Variants in ZDHHC11 observed in about 807,000 individuals in gnomAD.
The protein encoded by ZDHHC11 is zDHHC palmitoyltransferase 11.
Under a neutral mutation model 51.3 loss-of-function variants are expected in ZDHHC11, and 44 were observed. The observed-to-expected ratio is 0.86, with a 90% CI of 0.67 to 1.10. The LOEUF is 1.10. ZDHHC11 is among the 50% of genes least tolerant of loss of function. ZDHHC11 has a pLI of 0.00. For missense variants in ZDHHC11, 400 were observed against 537.7 expected (o/e 0.74, Z 2.53); for synonymous variants, 163 against 222.0 (o/e 0.73, Z 2.36).
intron 12 of ZDHHC11, among the ~76,000 whole-genome samples, chr5:797,131 C>T (rs1372848465): frequency 4.6e-5 from 7 of 151,142 alleles, no homozygotes; most frequent in Admixed American, 1.3e-4. Flanking sequence ...GTTGTGAACC[C>T]GGGAGGCGGA....
intron 1 of ZDHHC11, chr5:849,533 A>G (rs1459552980): frequency 6.6e-6 from 1 of 152,182 alleles, no homozygotes; most frequent in South Asian, 2.1e-4. Flanking sequence ...GACCCCAGAC[A>G]GCTCACTCAG....
At chr5:823,919 T>TG (rs1489593695) in intron 8 of ZDHHC11, 2 of 387,282 alleles carry the variant, frequency 5.2e-6, no homozygotes, top group Admixed American at 5.5e-5. Flanking sequence ...CAGGGTGGGC[T>TG]GGGGGCTCAA....
chr5:827,710 G>A (rs1742468141), intron 7 of ZDHHC11, among the ~76,000 whole-genome samples: 2 of 150,768 alleles, frequency 1.3e-5, no homozygotes, highest in South Asian at 4.2e-4. Context: ...TGCACGTAAT[G>A]AGGGACCTGC....
chr5:809,178 C>A (rs1341447893), intron 11 of ZDHHC11, among the ~76,000 whole-genome samples: 1 of 143,914 alleles, frequency 6.9e-6, no homozygotes, highest in Non-Finnish European at 1.5e-5. Flanking sequence ...TTGTCCTCCA[C>A]CCCATCACAT....
chr5:809,014 C>CACACACAGACACACACAT (rs1554050773), intron 11 of ZDHHC11, among the ~76,000 whole-genome samples: 3 of 138,998 alleles, frequency 2.2e-5, no homozygotes, highest in African/African-American at 2.7e-5. Context: ...CACACACACA[C>CACACACAGACACACACAT]GCACACTATT....
chr5:815,518 T>A (rs1453311934), intron 10 of ZDHHC11, among the ~76,000 whole-genome samples: 4 of 151,640 alleles, frequency 2.6e-5, no homozygotes, highest in African/African-American at 9.7e-5. Flanking sequence ...TACATGAGAC[T>A]TCCAGTTCTC....
chr5:847,130 C>T (rs552519362), intron 3 of ZDHHC11, among the ~76,000 whole-genome samples: 3 of 151,928 alleles, frequency 2.0e-5, no homozygotes, highest in East Asian at 1.9e-4. Flanking sequence ...AAACACCTCT[C>T]GCCCATCTGC....
upstream of ZDHHC11, among the ~76,000 whole-genome samples, chr5:859,056 AG>A (rs1395652148): frequency 2.6e-5 from 4 of 152,044 alleles, no homozygotes; most frequent in Admixed American, 1.3e-4. Flanking sequence ...TGGGAGGATG[AG>A]GGGACAAGGG....
chr5:844,459 G>A lies in ZDHHC11; in HGVS notation c.504-735C>T, dbSNP rs1010781608. 4.3e-4 allele frequency among the ~76,000 whole-genome samples: 65 copies of A among 152,396 alleles called. No homozygotes were observed. The South Asian group carries it at 0.011, about 26-fold the overall frequency. On this transcript the variant is annotated intron_variant, in intron 3 of 12. Coordinates refer to ENST00000283441, the MANE Select transcript of ZDHHC11 (RefSeq NM_024786.3). ...CGGCGTCTCCAGTGTCACAGCTCTGGGGCCTCTGCCCGCACCTCCCGACTC... is the reference window on the plus strand; with the variant it reads ...CGGCGTCTCCAGTGTCACAGCTCTGAGGCCTCTGCCCGCACCTCCCGACTC...
chr5:850,074 G>A (rs73730971), intron 1 of ZDHHC11, among the ~76,000 whole-genome samples: 4,590 of 152,358 alleles, frequency 0.03, 211 homozygotes, highest in African/African-American at 0.1. Flanking sequence ...AAAATGCTGC[G>A]CAGGGATTTT....
At chr5:831,227 G>C (rs1301932318) in intron 7 of ZDHHC11, among the ~76,000 whole-genome samples, 1 of 149,572 alleles carries the variant, frequency 6.7e-6, no homozygotes, top group African/African-American at 2.4e-5. Flanking sequence ...TTAACAATCT[G>C]TACATCTGAC....
At chr5:798,564 G>A (rs1435069684) in intron 12 of ZDHHC11, among the ~76,000 whole-genome samples, 1 of 150,134 alleles carries the variant, frequency 6.7e-6, no homozygotes, top group Non-Finnish European at 1.5e-5. Flanking sequence ...TGTATTCCAC[G>A]ATCTTTAAAA....
At chr5:816,433 T>A (rs1381269358) in intron 10 of ZDHHC11, 1 of 449,160 alleles carries the variant, frequency 2.2e-6, no homozygotes, top group Non-Finnish European at 4.4e-6. Context: ...GGACAGGCAG[T>A]GGCCGTAGCG....
At chr5:854,178 G>A (rs1387890354), upstream of ZDHHC11, among the ~76,000 whole-genome samples, 20 of 147,602 alleles carry the variant, frequency 1.4e-4, no homozygotes, top group Admixed American at 1.3e-3. Flanking sequence ...ACAGAGGACA[G>A]CGAGCCGGGG....
At chr5:824,106 G>C (rs902350990) in intron 8 of ZDHHC11, 4 of 454,582 alleles carry the variant, frequency 8.8e-6, no homozygotes, top group African/African-American at 8.0e-5. Context: ...GCCCCCACAG[G>C]GAAGGAGAAC....
chr5:831,418 A>G lies in ZDHHC11; in HGVS notation c.935+2355T>C, dbSNP rs376172343. Among the ~76,000 whole-genome samples the G allele has an allele frequency of 6.0e-5, 9 of 149,332 alleles. No individual in the cohort carries two copies. The South Asian group carries it at 8.5e-4, about 14-fold the overall frequency. On this transcript the variant is annotated intron_variant, in intron 7 of 12. Transcript: ENST00000283441. ...GGCTAACATGGTGAAACTTGTCTCT[A>G]CTAACGACACAAAAATTAGCTGGGC...
chr5:836,554 G>A (rs1415527711), intron 6 of ZDHHC11, among the ~76,000 whole-genome samples: 2 of 149,866 alleles, frequency 1.3e-5, no homozygotes, highest in Non-Finnish European at 3.0e-5. Flanking sequence ...AAGAGTCTGT[G>A]TGTAGGTTGT....
rs1400827285 is a variant in ZDHHC11 at position 816,368 on chromosome 5, C to T, written c.1147-1573G>A. 114 of 301,464 alleles carry T rather than the reference C, an allele frequency of 3.8e-4. 1 individual carries two copies. Among genetic ancestry groups the T allele is most frequent in the African/African-American group, 3.2e-3 (84 of 26,258 alleles). The allele number at this position is 301,464 out of a possible 1,614,324, so 18.7% of individuals were successfully genotyped here. On this transcript the variant is annotated intron_variant, in intron 10 of 12. Coordinates refer to ENST00000283441, the MANE Select transcript of ZDHHC11 (RefSeq NM_024786.3). ...CAGATGGCGGCAGCAGCTGCACGGGCGGGAGGGGGGCGGTAGCGCAGGCGG... is the reference window on the plus strand; with the variant it reads ...CAGATGGCGGCAGCAGCTGCACGGGTGGGAGGGGGGCGGTAGCGCAGGCGG...
rs1294804715 is a variant in ZDHHC11, at chr5:850,448, A to G, written c.155T>C (p.Leu52Pro). ...QVVTWAVFVG[L>P]SSATFGIFIP... Reference sequence around the variant, plus strand: ...GAAGATCCCGAAGGTGGCCGAGGAAAGGCCCACGAAGACAGCCCAGGTCAC... The same window carrying G: ...GAAGATCCCGAAGGTGGCCGAGGAAGGGCCCACGAAGACAGCCCAGGTCAC... The change falls in exon 1 of 13, where the codon CTT (leucine) becomes CCT (proline). Residue 52 changes from leucine to proline, a missense_variant. By Grantham distance (98) the Leu-to-Pro change is moderately conservative. Transcript: ENST00000283441. 4 of 1,613,544 alleles carry G rather than the reference A, an allele frequency of 2.5e-6. No homozygotes were observed. In the African/African-American group the frequency reaches 4.0e-5, roughly 16 times the overall value.
Sources: allele counts gnomAD v4.1 joint callset (sites outside exome capture counted in the v4.1 genomes callset), GRCh38; gene constraint gnomAD v4.1.1; transcripts MANE v1.5; gene names NCBI Gene and HGNC (gene_info 2026-07-23, HGNC 2026-07-21).